The following MDGA2 variants were observed in gnomAD, a reference collection of about 807,000 sequenced individuals.
MDGA2 encodes the protein MAM domain-containing glycosylphosphatidylinositol anchor protein 2.
MDGA2 carries 40 observed loss-of-function variants against 117.8 expected under a neutral mutation model. That is an observed-to-expected ratio of 0.34 (90% CI 0.26 to 0.44). The LOEUF (loss-of-function observed/expected upper bound fraction) is 0.44. Among genes scored for constraint, MDGA2 ranks in the 20% least tolerant of loss-of-function variants. MDGA2 has a pLI of 1.00. For synonymous variants in MDGA2, 452 were observed against 439.0 expected (o/e 1.03, Z -0.37); for missense variants, 1,123 against 1,250.6 (o/e 0.90, Z 1.54).
At chr14:47,338,799 T>A (rs963069655) in intron 1 of MDGA2, among the ~76,000 whole-genome samples, 7 of 152,146 alleles carry the variant, frequency 4.6e-5, no homozygotes, top group Admixed American at 2.6e-4. Context: ...GATTCATTTC[T>A]TCAACTCTGA....
At chr14:47,394,129 A>T (rs1320115541) in intron 1 of MDGA2, among the ~76,000 whole-genome samples, 1 of 152,138 alleles carries the variant, frequency 6.6e-6, no homozygotes, top group Non-Finnish European at 1.5e-5. Flanking sequence ...ACAATAAAAA[A>T]TTTTTATAAT....
chr14:46,924,441 T>A (rs1160094403), intron 9 of MDGA2, among the ~76,000 whole-genome samples: 7 of 152,082 alleles, frequency 4.6e-5, no homozygotes, highest in African/African-American at 1.7e-4. Flanking sequence ...ATAATACTGA[T>A]CAAGACCACA....
intron 11 of MDGA2, 91 bp downstream of exon 11, chr14:46,881,953 C>T: frequency 1.3e-6 from 1 of 793,488 alleles, no homozygotes; most frequent in Non-Finnish European, 1.8e-6. Flanking sequence ...CTAAGTTTTA[C>T]TTTGTGTCTA....
intron 4 of MDGA2, among the ~76,000 whole-genome samples, chr14:47,137,705 T>C (rs1303642542): frequency 6.6e-6 from 1 of 152,108 alleles, no homozygotes; most frequent in Non-Finnish European, 1.5e-5. Flanking sequence ...GGTGTTCCTA[T>C]ATGGCAACAC....
Position 47,165,840 on chromosome 14 carries a change from C to T in MDGA2, c.596-21566G>A, listed in dbSNP as rs1027031092. Among the ~76,000 whole-genome samples the T allele has an allele frequency of 2.0e-5, 3 of 152,074 alleles. No homozygotes were observed. The South Asian group carries it at 6.2e-4, about 32-fold the overall frequency. Reference sequence around the variant, plus strand: ...ATATTTTTGGCTCTTGTAATAAACCCTTGTCCCAAACTAATCTCTTACATA... The same window carrying T: ...ATATTTTTGGCTCTTGTAATAAACCTTTGTCCCAAACTAATCTCTTACATA... On this transcript the variant is annotated intron_variant, in intron 3 of 16. Transcript: ENST00000399232.
At chr14:47,674,132 C>G (rs1898128974) in intron 1 of MDGA2, among the ~76,000 whole-genome samples, 1 of 149,540 alleles carries the variant, frequency 6.7e-6, no homozygotes, top group South Asian at 2.1e-4. Flanking sequence ...CTCACGGGGT[C>G]ACACTGGAAG....
At chr14:46,921,236 G>A (rs945950245) in intron 9 of MDGA2, among the ~76,000 whole-genome samples, 5 of 151,882 alleles carry the variant, frequency 3.3e-5, no homozygotes, top group Admixed American at 6.6e-5. Flanking sequence ...ATGTAGCTTC[G>A]CAATTCTTAA....
At chr14:47,446,464 C>T (rs1432406119) in intron 1 of MDGA2, among the ~76,000 whole-genome samples, 2 of 136,270 alleles carry the variant, frequency 1.5e-5, no homozygotes, top group Non-Finnish European at 3.2e-5. Context: ...TAGGTTTCCC[C>T]TTCCTTTAGG....
At chr14:47,006,993 C>A (rs974811119) in intron 8 of MDGA2, among the ~76,000 whole-genome samples, 1 of 151,756 alleles carries the variant, frequency 6.6e-6, no homozygotes, top group Non-Finnish European at 1.5e-5. Flanking sequence ...CAACTCATTA[C>A]CTCCACAAAT....
chr14:47,534,807 G>A (rs1895175634), intron 1 of MDGA2, among the ~76,000 whole-genome samples: 1 of 152,132 alleles, frequency 6.6e-6, no homozygotes, highest in African/African-American at 2.4e-5. Context: ...GATAACACAT[G>A]ACAAATTTTA....
chr14:46,877,031 G>A (rs1373413589), intron 12 of MDGA2, among the ~76,000 whole-genome samples: 1 of 151,430 alleles, frequency 6.6e-6, no homozygotes, highest in African/African-American at 2.4e-5. Context: ...CAAATACATT[G>A]GAGTGTAAAC....
intron 6 of MDGA2, among the ~76,000 whole-genome samples, chr14:47,092,648 G>A (rs1049034503): frequency 1.3e-5 from 2 of 152,072 alleles, no homozygotes; most frequent in African/African-American, 4.8e-5. Context: ...AATGTTGCCT[G>A]ACTCATATCT....
At chr14:47,404,806 T>C (rs1402558119) in intron 1 of MDGA2, among the ~76,000 whole-genome samples, 1 of 152,170 alleles carries the variant, frequency 6.6e-6, no homozygotes, top group Non-Finnish European at 1.5e-5. Context: ...CCTATCATTT[T>C]TAAGCTATAA....
At chr14:47,573,967 G>C (rs1194749078) in intron 1 of MDGA2, among the ~76,000 whole-genome samples, 1 of 152,026 alleles carries the variant, frequency 6.6e-6, no homozygotes, top group Non-Finnish European at 1.5e-5. Context: ...AAAGTGCTTT[G>C]AATCAAAATG....
At chr14:46,981,011 G>T (rs953583701) in intron 8 of MDGA2, among the ~76,000 whole-genome samples, 5 of 151,998 alleles carry the variant, frequency 3.3e-5, no homozygotes, top group African/African-American at 1.2e-4. Flanking sequence ...GACCATCTTT[G>T]ACTTTAAAAA....
At chr14:47,651,557 G>T (rs1450563229) in intron 1 of MDGA2, among the ~76,000 whole-genome samples, 1 of 152,066 alleles carries the variant, frequency 6.6e-6, no homozygotes, top group Non-Finnish European at 1.5e-5. Context: ...TTTCAAATCA[G>T]AAGAGTGATG....
At chr14:47,312,688 G>GTTTTTTTTTTTTTTTT (rs1186421912) in intron 1 of MDGA2, among the ~76,000 whole-genome samples, 3 of 104,298 alleles carry the variant, frequency 2.9e-5, no homozygotes, top group African/African-American at 1.2e-4. Flanking sequence ...TTTTTTTTTT[G>GTTTTTTTTTTTTTTTT]TTTTGTTTTG....
At chr14:47,037,365 A>G (rs1273118588) in intron 7 of MDGA2, among the ~76,000 whole-genome samples, 1 of 152,234 alleles carries the variant, frequency 6.6e-6, no homozygotes, top group East Asian at 1.9e-4. Flanking sequence ...TTCAATTTGA[A>G]CAGAATACAA....
intron 1 of MDGA2, among the ~76,000 whole-genome samples, chr14:47,629,971 G>C (rs1451349717): frequency 6.6e-6 from 1 of 151,930 alleles, no homozygotes; most frequent in Non-Finnish European, 1.5e-5. Flanking sequence ...TGATACTGCT[G>C]GTCTATGGAC....
Sources: gnomAD v4.1 joint callset for allele counts (sites outside exome capture counted in the v4.1 genomes callset) on GRCh38, gnomAD v4.1.1 for gene constraint, MANE v1.5 for transcripts, NCBI Gene and HGNC (gene_info 2026-07-23, HGNC 2026-07-21) for gene names.